The following EIF2AK4 variants were observed in gnomAD, a reference collection of about 807,000 sequenced individuals.
EIF2AK4 encodes eukaryotic translation initiation factor 2 alpha kinase 4.
EIF2AK4 carries 139 observed loss-of-function variants against 211.1 expected under a neutral mutation model. That is an observed-to-expected ratio of 0.66 (90% confidence interval 0.57 to 0.76). EIF2AK4 has a LOEUF of 0.76. Among genes scored for constraint, EIF2AK4 ranks in the 30% least tolerant of loss-of-function variants. EIF2AK4 has a pLI of 0.00. For synonymous variants in EIF2AK4, 710 were observed against 751.3 expected, an observed-to-expected ratio of 0.94 and a Z score of 0.90; for missense variants, 1,664 against 2,043.8, an observed-to-expected ratio of 0.81 and a Z score of 3.58.
chr15:40,029,801 TGAAGAAGGACACTA>T (rs2035514812), intron 34 of EIF2AK4, among the ~76,000 whole-genome samples: 1 of 152,234 alleles, frequency 6.6e-6, no homozygotes, highest in African/African-American at 2.4e-5. Flanking sequence ...TGAAATCCCT[TGAAGAAGGACACTA>T]TACACATTTT....
At chr15:40,029,255 AT>A in intron 33 of EIF2AK4, 150 bp from the exon 34 acceptor site, 1 of 1,366,644 alleles carries the variant, frequency 7.3e-7, no homozygotes, top group South Asian at 1.8e-5. Context: ...CTAAATGCAA[AT>A]TTTTTGTTTT....
chr15:40,034,303 A>C (rs1305707662), intron 37 of EIF2AK4, 23 bp from the exon 38 acceptor site: 1 of 1,596,562 alleles, frequency 6.3e-7, no homozygotes, highest in African/African-American at 1.3e-5. Flanking sequence ...CCTGTTGTTA[A>C]GTCTTATCTA....
chr15:39,957,792 G>A (rs1302041228), intron 6 of EIF2AK4, among the ~76,000 whole-genome samples: 3 of 152,192 alleles, frequency 2.0e-5, no homozygotes, highest in African/African-American at 7.2e-5. Flanking sequence ...TGTTTCTGGT[G>A]TTTGTAGGGT....
At position 39,988,046 on chromosome 15, in the gene EIF2AK4, G is replaced by T. The variant is rs375292990; in HGVS notation, c.2467G>T (p.Val823Phe). 1.9e-5 allele frequency: 31 copies of T among 1,613,996 alleles called. No individual in the cohort carries two copies. The highest frequency in any genetic ancestry group is 2.5e-5 in the Non-Finnish European group (30 of 1,180,000). ...TGACCAGGGACTGTATCGAGACACC[G>T]TCAGACTCTGGAGGCTTTTTCGAGA... ...TIDQGLYRDT[V>F]RLWRLFREIL... Residue 823 changes from valine to phenylalanine, a missense_variant, in exon 15 of 39, where the codon GTC becomes TTC. Physicochemically the swap from Val to Phe is conservative, Grantham distance 50. Transcript: ENST00000263791.
intron 13 of EIF2AK4, among the ~76,000 whole-genome samples, chr15:39,981,536 C>T (rs937020225): frequency 1.6e-4 from 24 of 151,940 alleles, no homozygotes; most frequent in African/African-American, 5.8e-4. Flanking sequence ...AAGAGATTAA[C>T]AGTGTAATAC....
Position 39,992,819 on chromosome 15 carries a change from C to T in EIF2AK4, c.2737C>T (p.Gln913Ter). 2.5e-6 allele frequency: 4 copies of T among 1,614,088 alleles called. No individual in the cohort carries two copies. Among genetic ancestry groups the T allele is most frequent in the Non-Finnish European group, 3.4e-6 (4 of 1,180,004 alleles). The change falls in exon 18 of 39, where the codon CAA becomes TAA. Residue 913 changes from glutamine (Q) to a stop codon, truncating the protein, a stop_gained. Coordinates refer to ENST00000263791, the MANE Select transcript of EIF2AK4 (RefSeq NM_001013703.4). LOFTEE classifies it high-confidence loss of function. ...TGCTCTCTATGTAAGCCCAGAGGTCCAAGGAAGCACCAAATCTGCATACAA... is the reference window on the plus strand; with the variant it reads ...TGCTCTCTATGTAAGCCCAGAGGTCTAAGGAAGCACCAAATCTGCATACAA... ...GTALYVSPEV[Q>*]GSTKSAYNQK...
rs762914411 is a variant in EIF2AK4, at chr15:39,985,891, G to A, written c.2403+3G>A. The stretch of plus-strand genomic sequence containing the variant: ...CTGTGCACTACCTATACATCCAGGT[G>A]AGGTCGTGGTGTGTAGTTAGGTGAC... On this transcript the variant is annotated splice_donor_region_variant and intron_variant, in intron 14 of 38. Transcript: ENST00000263791. The A allele has an allele frequency of 8.7e-6, 14 of 1,613,584 alleles. No individual in the cohort carries two copies. Among genetic ancestry groups the A allele is most frequent in the Admixed American group, 6.7e-5 (4 of 59,932 alleles).
At chr15:39,991,179 A>G (rs2034939348) in intron 16 of EIF2AK4, 1 of 152,390 alleles carries the variant, frequency 6.6e-6, no homozygotes, top group Admixed American at 6.5e-5. Context: ...AATGGTGAGA[A>G]TAACCACTGG....
rs777832863 is a variant in EIF2AK4 at position 40,016,494 on chromosome 15, C to G, written c.3760-8C>G. On this transcript the variant is annotated splice_region_variant and splice_polypyrimidine_tract_variant and intron_variant, in intron 27 of 38. Transcript: ENST00000263791. ...ATGGGCAGCTGACTGTGCCCCTTTG[C>G]TTTCCAGCTGTGTCGACTCTACAAG... 8 of 1,613,874 alleles carry G rather than the reference C, an allele frequency of 5.0e-6. No individual in the cohort carries two copies. In the South Asian group the frequency reaches 8.8e-5, roughly 18 times the overall value.
At chr15:40,000,855 A>AT (rs957420443) in intron 20 of EIF2AK4, 133 bp from the exon 21 acceptor site, 2 of 859,252 alleles carry the variant, frequency 2.3e-6, no homozygotes, top group Non-Finnish European at 3.7e-6. Flanking sequence ...CTATTCAGAA[A>AT]TTTCAGAATG....
chr15:40,016,715 T>C (rs745420407), intron 28 of EIF2AK4, 43 bp downstream of exon 28: 1 of 1,594,820 alleles, frequency 6.3e-7, no homozygotes, highest in South Asian at 1.1e-5. Context: ...TGTGTAGCAT[T>C]ACTAATAGCA....
intron 20 of EIF2AK4, 129 bp downstream of exon 20, chr15:39,998,913 A>G (rs1595419455): frequency 2.8e-6 from 2 of 713,468 alleles, no homozygotes; most frequent in Non-Finnish European, 2.2e-6. Context: ...GGGAAAAAAT[A>G]TGAAAAGATG....
chr15:39,966,082 C>T (rs2140912180), intron 8 of EIF2AK4, among the ~76,000 whole-genome samples: 1 of 152,310 alleles, frequency 6.6e-6, no homozygotes, highest in South Asian at 2.1e-4. Flanking sequence ...TTTCTTAGCC[C>T]TTAGTATGGC....
At chr15:40,030,789 A>T (rs552782766) in intron 35 of EIF2AK4, among the ~76,000 whole-genome samples, 1 of 152,300 alleles carries the variant, frequency 6.6e-6, no homozygotes, top group South Asian at 2.1e-4. Flanking sequence ...GACAAGACTT[A>T]AGGCAGGCTT....
chr15:40,002,900 A>T, intron 22 of EIF2AK4, 112 bp downstream of exon 22: 3 of 1,204,542 alleles, frequency 2.5e-6, no homozygotes, highest in Non-Finnish European at 2.4e-6. Flanking sequence ...TTCAGTTATA[A>T]ATAATTGACA....
In EIF2AK4 at chr15:39,976,756, G is replaced by A. The variant is rs1261749585; in HGVS notation, c.2161G>A (p.Ala721Thr). 2 of 1,597,622 alleles carry A rather than the reference G, an allele frequency of 1.3e-6. No homozygotes were observed. The highest frequency in any genetic ancestry group is 1.7e-5 in the Admixed American group (1 of 58,010). The change falls in exon 12 of 39, where the codon GCC becomes ACC. Residue 721 changes from alanine (A) to threonine (T), a missense_variant. This residue lies in a region of EIF2AK4 where 206 missense variants were observed against 201.9 expected (regional missense o/e 1.02). Transcript: ENST00000263791. ...CACTTCGGGCGAGCGCTCGGCCAGT[G>A]CCCGTTTCCCCGCCACCGGCCCGGG... ...WSTSGERSAS[A>T]RFPATGPGSS... is the part of the protein sequence containing the mutation.
intron 26 of EIF2AK4, among the ~76,000 whole-genome samples, chr15:40,009,968 G>T (rs1267923479): frequency 6.6e-6 from 1 of 152,172 alleles, no homozygotes; most frequent in Non-Finnish European, 1.5e-5. Context: ...AACCTCCGGG[G>T]TGTTTTTTAA....
At chr15:40,031,491 A>G (rs8031319) in intron 35 of EIF2AK4, among the ~76,000 whole-genome samples, 141,410 of 152,164 alleles carry the variant, frequency 0.93, 65,789 homozygotes, top group African/African-American at 0.96. Flanking sequence ...CAGTTCTCAC[A>G]CCATGTCCTC....
At chr15:40,014,473 C>A (rs754198476) in intron 27 of EIF2AK4, among the ~76,000 whole-genome samples, 3 of 152,242 alleles carry the variant, frequency 2.0e-5, no homozygotes, top group African/African-American at 7.2e-5. Flanking sequence ...GGGGCTTGAA[C>A]CCTCTGAAGC....
Sources: allele counts gnomAD v4.1 joint callset (sites outside exome capture counted in the v4.1 genomes callset), GRCh38; gene constraint gnomAD v4.1.1; regional missense constraint gnomAD v4.1.1; transcripts MANE v1.5; gene names NCBI Gene and HGNC (gene_info 2026-07-23, HGNC 2026-07-21).